UBE3C: variants seen among roughly 807,000 people sequenced by gnomAD.
UBE3C encodes the protein ubiquitin protein ligase E3C.
A neutral mutation model predicts 129.4 loss-of-function variants in UBE3C; 42 were observed. The observed-to-expected ratio is 0.32, with a 90% CI of 0.25 to 0.42. The LOEUF (loss-of-function observed/expected upper bound fraction) is 0.42, where lower values mean the gene tolerates loss of function less well. UBE3C is among the 10% of genes least tolerant of loss of function. The probability of loss-of-function intolerance (pLI) is 1.00; values close to 1 mark genes in which losing one functional copy is unlikely to be tolerated. For synonymous variants in UBE3C, 510 were observed against 492.4 expected (o/e 1.04, Z -0.47); for missense variants, 1,049 against 1,319.1 (o/e 0.80, Z 3.17).
intron 13 of UBE3C, among the ~76,000 whole-genome samples, chr7:157,212,205 GAA>G (rs762015826): frequency 6.9e-6 from 1 of 145,366 alleles, no homozygotes; most frequent in African/African-American, 2.5e-5. Flanking sequence ...ACTGTAGAAA[GAA>G]AAAAAAAAAT....
At chr7:157,208,522 T>C (rs558602942) in intron 13 of UBE3C, among the ~76,000 whole-genome samples, 1 of 152,378 alleles carries the variant, frequency 6.6e-6, no homozygotes, top group African/African-American at 2.4e-5. Flanking sequence ...CTTTTCTATG[T>C]GGCCCTAACT....
chr7:157,267,826 C>T lies in UBE3C; in HGVS notation c.*71C>T. On this transcript the variant is annotated 3_prime_UTR_variant, in exon 23 of 23. Coordinates refer to ENST00000348165, the MANE Select transcript of UBE3C (RefSeq NM_014671.3). ...CGTCAGCAGCGCCTCCCCAGACCCACGAGGATACTCACACTGCACGCCTGA... is the reference window on the plus strand; with the variant it reads ...CGTCAGCAGCGCCTCCCCAGACCCATGAGGATACTCACACTGCACGCCTGA... 1.5e-6 allele frequency: 2 copies of T among 1,376,980 alleles called. No homozygotes were observed. Among genetic ancestry groups the T allele is most frequent in the Non-Finnish European group, 1.9e-6 (2 of 1,027,362 alleles). 85.3% of individuals were successfully genotyped at this position (1,376,980 alleles called of 1,614,324 possible). A position where few individuals can be genotyped will look rare whatever the true frequency, so the allele number is the denominator to read the frequency against.
chr7:157,239,404 T>G (rs568293597), intron 18 of UBE3C, among the ~76,000 whole-genome samples: 10 of 152,264 alleles, frequency 6.6e-5, no homozygotes, highest in African/African-American at 2.4e-4. Context: ...TCCTTGCAGT[T>G]TTTGGAAGGC....
At chr7:157,186,708 G>A in intron 9 of UBE3C, 126 bp from the exon 10 acceptor site, 1 of 1,070,778 alleles carries the variant, frequency 9.3e-7, no homozygotes, top group Non-Finnish European at 1.3e-6. Flanking sequence ...CTGTGATGTA[G>A]ATAATTTTGA....
At chr7:157,200,296 A>G (rs1279480270) in intron 10 of UBE3C, among the ~76,000 whole-genome samples, 1 of 146,502 alleles carries the variant, frequency 6.8e-6, no homozygotes, top group East Asian at 1.9e-4. Flanking sequence ...GCATTACATT[A>G]AAATAAGAAT....
chr7:157,205,337 C>CT (rs564673694), intron 11 of UBE3C, among the ~76,000 whole-genome samples: 30 of 147,814 alleles, frequency 2.0e-4, no homozygotes, highest in Middle Eastern at 6.9e-3. Context: ...TACCCTGTCC[C>CT]TTTTTTTTTT....
chr7:157,220,631 C>T, intron 14 of UBE3C, 58 bp from the exon 15 acceptor site: 1 of 1,597,634 alleles, frequency 6.3e-7, no homozygotes, highest in Non-Finnish European at 8.6e-7. Context: ...CAAGTGTGAT[C>T]AGGTCAAAGT....
At chr7:157,167,819 AGCCACCATGCCTGGCCTAAAGT>A (rs1808259445) in intron 2 of UBE3C, among the ~76,000 whole-genome samples, 1 of 151,978 alleles carries the variant, frequency 6.6e-6, no homozygotes, top group Admixed American at 6.6e-5. Flanking sequence ...TACAGGCATG[AGCCACCATGCCTGGCCTAAAGT>A]GCCTCTCATA....
At chr7:157,189,194 G>A in intron 10 of UBE3C, 1 of 382,850 alleles carries the variant, frequency 2.6e-6, no homozygotes, top group South Asian at 1.4e-4. Flanking sequence ...TGGAGCAGAA[G>A]TGCTCTTCTG....
At chr7:157,149,276 G>A (rs967674572) in intron 1 of UBE3C, among the ~76,000 whole-genome samples, 30 of 151,990 alleles carry the variant, frequency 2.0e-4, no homozygotes, top group Admixed American at 1.2e-3. Flanking sequence ...GGCTGGTCTC[G>A]AATTCCTGAC....
chr7:157,220,444 TAAAAC>T (rs774728918), intron 14 of UBE3C, among the ~76,000 whole-genome samples: 1 of 152,174 alleles, frequency 6.6e-6, no homozygotes, highest in Admixed American at 6.5e-5. Flanking sequence ...CACCATCAAA[TAAAAC>T]AATTAGAGAT....
intron 22 of UBE3C, among the ~76,000 whole-genome samples, chr7:157,257,871 TATA>T (rs1478493747): frequency 1.3e-5 from 2 of 151,080 alleles, no homozygotes; most frequent in African/African-American, 4.9e-5. Context: ...TAGAATAATA[TATA>T]ATTAGATAAG....
At chr7:157,260,832 G>C (rs1034959668) in intron 22 of UBE3C, among the ~76,000 whole-genome samples, 1 of 152,166 alleles carries the variant, frequency 6.6e-6, no homozygotes, top group Non-Finnish European at 1.5e-5. Context: ...CCTGCCAGAC[G>C]TAGGTTCTAG....
chr7:157,139,418 C>T lies in UBE3C; in HGVS notation c.66+80C>T, dbSNP rs1418353594. 9.7e-6 allele frequency: 13 copies of T among 1,333,486 alleles called. No homozygotes were observed. In the South Asian group the frequency reaches 1.3e-4, roughly 13 times the overall value. The allele number at this position is 1,333,486 out of a possible 1,614,324, so 82.6% of individuals were successfully genotyped here. ...CGGGGCTGGGACTCGGGGCTGGACT[C>T]GGGGCTGGACTCGGGGCCGAGACTT... On this transcript the variant is annotated intron_variant, in intron 1 of 22. Transcript: ENST00000348165.
chr7:157,171,880 T>C (rs1000710837), intron 4 of UBE3C, among the ~76,000 whole-genome samples: 3 of 150,506 alleles, frequency 2.0e-5, no homozygotes, highest in Non-Finnish European at 3.0e-5. Flanking sequence ...CTAATTTTTG[T>C]ATTTTTAGTG....
intron 8 of UBE3C, among the ~76,000 whole-genome samples, chr7:157,182,957 C>T (rs1808707648): frequency 6.6e-6 from 1 of 152,136 alleles, no homozygotes; most frequent in African/African-American, 2.4e-5. Context: ...CTATGTTGGC[C>T]AGGATGGTCT....
At chr7:157,191,318 G>A (rs1289765378) in intron 10 of UBE3C, among the ~76,000 whole-genome samples, 1 of 152,214 alleles carries the variant, frequency 6.6e-6, no homozygotes, top group Non-Finnish European at 1.5e-5. Context: ...CTGAAACAAG[G>A]TCTCACTTTG....
intron 1 of UBE3C, among the ~76,000 whole-genome samples, chr7:157,161,798 A>G (rs1201762198): frequency 1.3e-5 from 2 of 151,782 alleles, no homozygotes; most frequent in East Asian, 2.0e-4. Context: ...TAGGCCAAGC[A>G]TGGTGTCTCA....
intron 16 of UBE3C, 44 bp from the exon 17 acceptor site, chr7:157,225,362 AG>A (rs1795847519): frequency 6.4e-7 from 1 of 1,566,740 alleles, no homozygotes; most frequent in Non-Finnish European, 8.6e-7. Context: ...AGGTTGTAAG[AG>A]GTCTTTTGTT....
Sources: gnomAD v4.1 joint callset for allele counts (sites outside exome capture counted in the v4.1 genomes callset) on GRCh38, gnomAD v4.1.1 for gene constraint, MANE v1.5 for transcripts, NCBI Gene and HGNC (gene_info 2026-07-23, HGNC 2026-07-21) for gene names.